RNF121: variants seen among roughly 807,000 people sequenced by gnomAD.
RNF121 encodes ring finger protein 121.
Under a neutral mutation model 46.5 loss-of-function variants are expected in RNF121, and 21 were observed. The observed-to-expected ratio is 0.45, with a 90% CI of 0.32 to 0.65. The LOEUF (loss-of-function observed/expected upper bound fraction) is 0.65, where lower values mean the gene tolerates loss of function less well. RNF121 is among the 30% of genes least tolerant of loss of function. The probability of loss-of-function intolerance (pLI) is 0.04; values close to 1 mark genes in which losing one functional copy is unlikely to be tolerated. For missense variants in RNF121, 346 were observed against 416.0 expected, an observed-to-expected ratio of 0.83 and a Z score of 1.46; for synonymous variants, 139 against 144.7, an observed-to-expected ratio of 0.96 and a Z score of 0.28.
chr11:71,986,317 C>T (rs1214360419), intron 4 of RNF121, among the ~76,000 whole-genome samples: 2 of 152,220 alleles, frequency 1.3e-5, no homozygotes, highest in Non-Finnish European at 2.9e-5. Context: ...TTCTGAACAA[C>T]TAGCCTTCCC....
chr11:71,943,176 A>C (rs564466669), intron 1 of RNF121, among the ~76,000 whole-genome samples: 2 of 152,226 alleles, frequency 1.3e-5, no homozygotes, highest in African/African-American at 4.8e-5. Context: ...TAAATTTAGA[A>C]TATGTTTTGA....
At chr11:71,972,376 G>T (rs913162220) in intron 3 of RNF121, among the ~76,000 whole-genome samples, 1 of 152,162 alleles carries the variant, frequency 6.6e-6, no homozygotes, top group Non-Finnish European at 1.5e-5. Context: ...TTAAAAAAAT[G>T]CCTCTTATGG....
rs1454861830 is a variant in RNF121 at position 71,984,735 on chromosome 11, C to T, written c.398+1820C>T. On this transcript the variant is annotated intron_variant, in intron 4 of 8. Transcript: ENST00000361756. ...CTGGGACTACAGGTGTGTGCCGCCACACCCGGCTAATTTTTTTTTTTTTTT... is the reference window on the plus strand; with the variant it reads ...CTGGGACTACAGGTGTGTGCCGCCATACCCGGCTAATTTTTTTTTTTTTTT... Among the ~76,000 whole-genome samples, 9 of 146,862 alleles carry T rather than the reference C, an allele frequency of 6.1e-5. 1 individual carries two copies. The highest frequency in any genetic ancestry group is 8.9e-5 in the Non-Finnish European group (6 of 67,270).
At chr11:71,946,627 A>G (rs910791220) in intron 1 of RNF121, among the ~76,000 whole-genome samples, 1 of 151,380 alleles carries the variant, frequency 6.6e-6, no homozygotes, top group African/African-American at 2.4e-5. Context: ...GGGAATGAGG[A>G]GTTAGTAAAT....
intron 1 of RNF121, among the ~76,000 whole-genome samples, chr11:71,956,519 A>G (rs1367667135): frequency 1.3e-5 from 2 of 152,228 alleles, no homozygotes; most frequent in African/African-American, 4.8e-5. Flanking sequence ...AAGACTACCA[A>G]ATAGAACGAG....
At chr11:71,968,888 C>CTTTT (rs10686485) in intron 3 of RNF121, among the ~76,000 whole-genome samples, 8 of 134,640 alleles carry the variant, frequency 5.9e-5, no homozygotes, top group South Asian at 2.3e-4. Context: ...TTCTTTCTTT[C>CTTTT]TTTTTTTTTT....
intron 2 of RNF121, among the ~76,000 whole-genome samples, chr11:71,959,350 A>C (rs2134174969): frequency 6.6e-6 from 1 of 150,612 alleles, no homozygotes; most frequent in South Asian, 2.1e-4. Flanking sequence ...TATACTTACC[A>C]CCTGGGTTCT....
rs1410335636 is a variant in RNF121 at position 71,995,434 on chromosome 11, G to A, written c.762-16G>A. The A allele has an allele frequency of 1.9e-6, 3 of 1,563,402 alleles. No individual in the cohort carries two copies. The Admixed American group carries it at 5.7e-5, about 30-fold the overall frequency. ...CGCCCTGGCTCTCACCATTTCCCTTGACCAGCGGTGCTCAGCTTCCACGAG... is the reference window on the plus strand; with the variant it reads ...CGCCCTGGCTCTCACCATTTCCCTTAACCAGCGGTGCTCAGCTTCCACGAG... On this transcript the variant is annotated splice_polypyrimidine_tract_variant and intron_variant, in intron 7 of 8. Transcript: ENST00000361756.
intron 3 of RNF121, among the ~76,000 whole-genome samples, chr11:71,979,412 C>T (rs1954598123): frequency 6.6e-6 from 1 of 152,186 alleles, no homozygotes; most frequent in South Asian, 2.1e-4. Flanking sequence ...CCCTTTCTCT[C>T]TCTCCTCTTG....
chr11:71,960,988 G>A, intron 3 of RNF121, 97 bp downstream of exon 3: 4 of 1,354,400 alleles, frequency 3.0e-6, no homozygotes, highest in Non-Finnish European at 3.0e-6. Flanking sequence ...ACATGGAGGT[G>A]GAGAAAGACA....
intron 1 of RNF121, among the ~76,000 whole-genome samples, chr11:71,950,854 C>T (rs1386614968): frequency 6.6e-6 from 1 of 151,980 alleles, no homozygotes; most frequent in Non-Finnish European, 1.5e-5. Context: ...TTTTGAAGGC[C>T]AGAGTATTAT....
intron 4 of RNF121, among the ~76,000 whole-genome samples, chr11:71,984,680 G>A (rs560250621): frequency 2.0e-5 from 3 of 148,262 alleles, no homozygotes; most frequent in African/African-American, 5.0e-5. Context: ...CCAGGCTTAG[G>A]CGATTCTCCT....
intron 4 of RNF121, among the ~76,000 whole-genome samples, chr11:71,986,799 T>G (rs908800307): frequency 7.3e-6 from 1 of 136,096 alleles, no homozygotes; most frequent in Non-Finnish European, 1.6e-5. Context: ...AGAAAAAAAA[T>G]ACAAAGCCCT....
At chr11:71,988,846 C>T (rs1183409369) in intron 5 of RNF121, among the ~76,000 whole-genome samples, 2 of 151,788 alleles carry the variant, frequency 1.3e-5, no homozygotes, top group East Asian at 1.9e-4. Context: ...ATAAATAAAT[C>T]CTATTTTATA....
chr11:71,930,011 C>G (rs1479319614), intron 1 of RNF121, among the ~76,000 whole-genome samples: 2 of 152,266 alleles, frequency 1.3e-5, no homozygotes, highest in East Asian at 3.9e-4. Flanking sequence ...GTTCCCTTTA[C>G]CTATCTAATA....
intron 1 of RNF121, among the ~76,000 whole-genome samples, chr11:71,931,426 C>T (rs977495123): frequency 1.2e-4 from 19 of 152,164 alleles, no homozygotes; most frequent in African/African-American, 4.3e-4. Context: ...GTCATCCCTT[C>T]AAGCTCCAAA....
chr11:71,955,075 G>A (rs1953961294), intron 1 of RNF121, among the ~76,000 whole-genome samples: 1 of 152,094 alleles, frequency 6.6e-6, no homozygotes, highest in South Asian at 2.1e-4. Flanking sequence ...ACATAAACAG[G>A]GCCAGGACTA....
At position 71,994,809 on chromosome 11, in the gene RNF121, G is replaced by A; in HGVS notation, c.718G>A (p.Glu240Lys). 1 of 1,614,214 alleles carries A rather than the reference G, an allele frequency of 6.2e-7. No homozygotes were observed. The highest frequency in any genetic ancestry group is 8.5e-7 in the Non-Finnish European group (1 of 1,180,040). The change falls in exon 7 of 9, where the codon GAG becomes AAG. Residue 240 changes from glutamate (E) to lysine (K), a missense_variant. Transcript: ENST00000361756. ...GCAGATCTTTGTGGACGTCAGTGAA[G>A]AGGGGATCATTGAGAACACGTATAG... ...GQQIFVDVSEEGIIENTYRLS... is the reference protein window; with the variant it reads ...GQQIFVDVSEKGIIENTYRLS...
At chr11:71,972,893 C>G (rs967242030) in intron 3 of RNF121, among the ~76,000 whole-genome samples, 10 of 152,080 alleles carry the variant, frequency 6.6e-5, no homozygotes, top group Non-Finnish European at 1.0e-4. Context: ...TTAAGAGAAA[C>G]ATAGGCTGGG....
Sources: gnomAD v4.1 joint callset for allele counts (sites outside exome capture counted in the v4.1 genomes callset) on GRCh38, gnomAD v4.1.1 for gene constraint, MANE v1.5 for transcripts, NCBI Gene and HGNC (gene_info 2026-07-23, HGNC 2026-07-21) for gene names.